The following FAM184B variants were observed in gnomAD, a reference collection of about 807,000 sequenced individuals.
FAM184B encodes protein FAM184B.
FAM184B carries 111 observed loss-of-function variants against 135.9 expected under a neutral mutation model. That is an observed-to-expected ratio of 0.82 (90% CI 0.70 to 0.96). The LOEUF (loss-of-function observed/expected upper bound fraction) is 0.96, where lower values mean the gene tolerates loss of function less well. Among genes scored for constraint, FAM184B ranks in the 40% least tolerant of loss-of-function variants. The pLI is 0.00. For missense variants in FAM184B, 1,375 were observed against 1,323.9 expected (o/e 1.04, Z -0.60); for synonymous variants, 552 against 524.8 (o/e 1.05, Z -0.71).
At chr4:17,684,787 A>G (rs1185939417) in intron 7 of FAM184B, among the ~76,000 whole-genome samples, 1 of 152,170 alleles carries the variant, frequency 6.6e-6, no homozygotes, top group Non-Finnish European at 1.5e-5. Context: ...CATGAAATCA[A>G]CCCAAATGCC....
intron 1 of FAM184B, among the ~76,000 whole-genome samples, chr4:17,714,316 T>C (rs535468372): frequency 6.6e-6 from 1 of 152,240 alleles, no homozygotes; most frequent in Non-Finnish European, 1.5e-5. Flanking sequence ...GGGTGATGTG[T>C]GTCATCCTGG....
At chr4:17,747,181 G>T (rs1391349318) in intron 1 of FAM184B, among the ~76,000 whole-genome samples, 1 of 152,120 alleles carries the variant, frequency 6.6e-6, no homozygotes, top group Non-Finnish European at 1.5e-5. Context: ...ATGGTGGGGG[G>T]CGGTGTGAGC....
At chr4:17,709,884 C>T (rs1717217381) in intron 1 of FAM184B, among the ~76,000 whole-genome samples, 1 of 152,080 alleles carries the variant, frequency 6.6e-6, no homozygotes, top group Admixed American at 6.5e-5. Context: ...ACAAAGGCCC[C>T]AGAGAGGGCA....
At chr4:17,708,558 T>C (rs1717166327) in intron 2 of FAM184B, among the ~76,000 whole-genome samples, 1 of 149,542 alleles carries the variant, frequency 6.7e-6, no homozygotes, top group Non-Finnish European at 1.5e-5. Flanking sequence ...GGCAGGAGAA[T>C]TGCTTGAACC....
At chr4:17,657,655 CT>C (rs58666074) in intron 10 of FAM184B, among the ~76,000 whole-genome samples, 131 of 114,416 alleles carry the variant, frequency 1.1e-3, no homozygotes, top group African/African-American at 3.5e-3. Flanking sequence ...CTGAGCTGTT[CT>C]TTTTTTTTTT....
At chr4:17,736,491 T>A (rs1162532908) in intron 1 of FAM184B, among the ~76,000 whole-genome samples, 1 of 152,196 alleles carries the variant, frequency 6.6e-6, no homozygotes, top group Non-Finnish European at 1.5e-5. Flanking sequence ...AAATGTCTGC[T>A]TCTCTTGGGA....
intron 7 of FAM184B, among the ~76,000 whole-genome samples, chr4:17,685,422 G>T (rs533158573): frequency 6.6e-6 from 1 of 151,530 alleles, no homozygotes; most frequent in Non-Finnish European, 1.5e-5. Context: ...GGTGGTGTGC[G>T]CCTATAGTCC....
At chr4:17,707,550 C>G in intron 3 of FAM184B, 99 bp downstream of exon 3, 1 of 1,471,254 alleles carries the variant, frequency 6.8e-7, no homozygotes, top group Non-Finnish European at 9.1e-7. Context: ...CCCTGCCCCT[C>G]CTCTCTGCTC....
chr4:17,765,527 A>G (rs1432403861), intron 1 of FAM184B, among the ~76,000 whole-genome samples: 2 of 146,376 alleles, frequency 1.4e-5, no homozygotes, highest in Non-Finnish European at 2.9e-5. Context: ...AATATTTCAC[A>G]GTTCTTAGCA....
At chr4:17,664,510 A>G in intron 8 of FAM184B, 52 bp downstream of exon 8, 1 of 1,328,188 alleles carries the variant, frequency 7.5e-7, no homozygotes, top group Non-Finnish European at 1.1e-6. Flanking sequence ...ATCCTTCCAC[A>G]TCTGAGTCCT....
chr4:17,678,146 A>G (rs1681968270), intron 7 of FAM184B, among the ~76,000 whole-genome samples: 1 of 152,226 alleles, frequency 6.6e-6, no homozygotes, highest in South Asian at 2.1e-4. Flanking sequence ...CTTCTATTCA[A>G]CATAGTATTG....
intron 15 of FAM184B, among the ~76,000 whole-genome samples, chr4:17,636,017 G>A (rs773169870): frequency 6.7e-6 from 1 of 149,300 alleles, no homozygotes; most frequent in Non-Finnish European, 1.5e-5. Context: ...TGGGGCAAAT[G>A]CTGTTGGACT....
chr4:17,751,306 CAAAAAA>C (rs71167334), intron 1 of FAM184B, among the ~76,000 whole-genome samples: 4 of 91,810 alleles, frequency 4.4e-5, no homozygotes, highest in Admixed American at 1.2e-4. Context: ...GACTCTGTCT[CAAAAAA>C]AAAAAAAAAA....
In FAM184B at chr4:17,639,262, G is replaced by A. The variant is rs185814242; in HGVS notation, c.2654C>T (p.Ala885Val). 3 of 1,551,634 alleles carry A rather than the reference G, an allele frequency of 1.9e-6. No individual in the cohort carries two copies. The African/African-American group carries it at 4.1e-5, about 21-fold the overall frequency. ...AGGCCTCACTTACTCGGCTTCCAGG[G>A]CAGCCAGCCGGGCCTGGAGCTGGGC... ...AQAQLQARLA[A>V]LEAELKDSGE... Residue 885 changes from alanine (A) to valine (V), a missense_variant, in exon 14 of 18, where the codon GCC (alanine) becomes GTC (valine). By Grantham distance (64) the Ala-to-Val change is moderately conservative. Transcript: ENST00000265018.
chr4:17,765,904 C>T (rs546197905), intron 1 of FAM184B, among the ~76,000 whole-genome samples: 20 of 152,152 alleles, frequency 1.3e-4, no homozygotes, highest in African/African-American at 3.1e-4. Flanking sequence ...CAGACCTTCG[C>T]GGTGGTGAGT....
intron 2 of FAM184B, among the ~76,000 whole-genome samples, chr4:17,708,663 C>CTATG (rs1717169333): frequency 5.9e-5 from 1 of 16,990 alleles, no homozygotes; most frequent in East Asian, 2.5e-3. Context: ...GGAAACAAAA[C>CTATG]TATATATATA....
intron 1 of FAM184B, among the ~76,000 whole-genome samples, chr4:17,747,861 C>A (rs1718202808): frequency 7.7e-6 from 1 of 129,624 alleles, no homozygotes; most frequent in Non-Finnish European, 1.6e-5. Context: ...GCGGAGCTTG[C>A]AGTGAGCCGA....
At chr4:17,759,762 C>G (rs889053707) in intron 1 of FAM184B, among the ~76,000 whole-genome samples, 2 of 152,296 alleles carry the variant, frequency 1.3e-5, no homozygotes, top group African/African-American at 2.4e-5. Context: ...TCCCAAAGTA[C>G]TGGGTTTACA....
intron 13 of FAM184B, among the ~76,000 whole-genome samples, chr4:17,641,643 C>CTGTTTTTTT (rs1715318503): frequency 4.1e-5 from 1 of 24,374 alleles, no homozygotes; most frequent in Non-Finnish European, 7.2e-5. Flanking sequence ...CACGCCCGGC[C>CTGTTTTTTT]TTTTTTTTTT....
Sources: allele counts gnomAD v4.1 joint callset (sites outside exome capture counted in the v4.1 genomes callset), GRCh38; gene constraint gnomAD v4.1.1; transcripts MANE v1.5; gene names NCBI Gene and HGNC (gene_info 2026-07-23, HGNC 2026-07-21).